The following CYP2C18 variants were observed in gnomAD, a reference collection of about 807,000 sequenced individuals.
The protein encoded by CYP2C18 is cytochrome P450 family 2 subfamily C member 18.
A neutral mutation model predicts 41.3 loss-of-function variants in CYP2C18; 38 were observed. The ratio of observed to expected loss-of-function variants is 0.92; its 90% CI spans 0.71 to 1.21. CYP2C18 has a LOEUF of 1.21. Ranked by LOEUF, CYP2C18 falls within the 50% of genes most tolerant of loss-of-function variation. CYP2C18 has a pLI of 0.00. For missense variants in CYP2C18, 635 were observed against 591.4 expected (o/e 1.07, Z -0.77); for synonymous variants, 236 against 210.0 (o/e 1.12, Z -1.07).
chr10:94,723,166 CA>C (rs1410771212), intron 6 of CYP2C18, among the ~76,000 whole-genome samples: 1 of 152,052 alleles, frequency 6.6e-6, no homozygotes, highest in East Asian at 1.9e-4. Flanking sequence ...CTGCATTTGG[CA>C]AAAAATTTTT....
At chr10:94,696,933 A>G (rs59537614) in intron 4 of CYP2C18, among the ~76,000 whole-genome samples, 2 of 152,304 alleles carry the variant, frequency 1.3e-5, no homozygotes, top group African/African-American at 4.8e-5. Context: ...TTAGCAAAAA[A>G]AGAATAAGAA....
intron 7 of CYP2C18, among the ~76,000 whole-genome samples, chr10:94,724,932 A>G (rs1207189574): frequency 6.6e-6 from 1 of 151,832 alleles, no homozygotes; most frequent in Non-Finnish European, 1.5e-5. Context: ...CAATTCATGG[A>G]TATGATTATG....
chr10:94,697,061 ATAT>A lies in CYP2C18; in HGVS notation c.642+1988_642+1990del, dbSNP rs1847131526. Among the ~76,000 whole-genome samples the A allele has an allele frequency of 2.0e-5, 3 of 152,248 alleles. 1 individual carries two copies. In the South Asian group the frequency reaches 6.2e-4, roughly 31 times the overall value. On this transcript the variant is annotated intron_variant, in intron 4 of 8. Coordinates refer to ENST00000285979, the MANE Select transcript of CYP2C18 (RefSeq NM_000772.3). ...ACCAAGTTGGAAAACACTCTGCACG[ATAT>A]TATCCAGGAGAACTTCCCCAATCTA...
chr10:94,703,859 G>T (rs1365669965), intron 4 of CYP2C18, among the ~76,000 whole-genome samples: 1 of 152,222 alleles, frequency 6.6e-6, no homozygotes, highest in Non-Finnish European at 1.5e-5. Context: ...CAGGGCCCTT[G>T]TGGTGTAGGC....
intron 4 of CYP2C18, among the ~76,000 whole-genome samples, chr10:94,700,978 G>A (rs1169917060): frequency 2.0e-5 from 3 of 152,200 alleles, no homozygotes; most frequent in South Asian, 4.1e-4. Context: ...AACAGGTGCT[G>A]GAGAGGATAT....
intron 3 of CYP2C18, 51 bp from the exon 4 acceptor site, chr10:94,694,866 T>C (rs750880779): frequency 3.5e-5 from 55 of 1,565,670 alleles, no homozygotes; most frequent in Non-Finnish European, 4.8e-5. Flanking sequence ...AAAGACAAAG[T>C]ATTTTATATG....
chr10:94,714,725 G>A (rs1316007387), intron 5 of CYP2C18, among the ~76,000 whole-genome samples: 1 of 152,156 alleles, frequency 6.6e-6, no homozygotes, highest in African/African-American at 2.4e-5. Context: ...AAAGTCATTG[G>A]TAGCTTGATG....
intron 5 of CYP2C18, among the ~76,000 whole-genome samples, chr10:94,716,695 A>T (rs557655337): frequency 2.6e-5 from 4 of 151,948 alleles, no homozygotes; most frequent in African/African-American, 9.7e-5. Context: ...TGTCTATTAG[A>T]TCTGCTTGGT....
At position 94,736,135 on chromosome 10, in the gene CYP2C18, T is replaced by C. The variant is rs1847915770; in HGVS notation, c.*691T>C. ...ACAAGATCAAGATTTGGATAATCTT[T>C]TTCCTTTGTGTTTCCAACTTAGATC... On this transcript the variant is annotated 3_prime_UTR_variant, in exon 9 of 9. Transcript: ENST00000285979. 1 of 152,192 alleles carries C rather than the reference T, an allele frequency of 6.6e-6. No individual in the cohort carries two copies. Among genetic ancestry groups the C allele is most frequent in the Admixed American group, 6.6e-5 (1 of 15,264 alleles). 9.4% of individuals were successfully genotyped at this position (152,192 alleles called of 1,614,324 possible). A position where few individuals can be genotyped will look rare whatever the true frequency, so the allele number is the denominator to read the frequency against.
At chr10:94,694,740 T>C (rs1847080513) in intron 3 of CYP2C18, among the ~76,000 whole-genome samples, 177 bp from the exon 4 acceptor site, 1 of 152,204 alleles carries the variant, frequency 6.6e-6, no homozygotes, top group Non-Finnish European at 1.5e-5. Flanking sequence ...GAATGATTAA[T>C]TCAGTTTTAA....
intron 7 of CYP2C18, among the ~76,000 whole-genome samples, chr10:94,725,339 C>A (rs1021918737): frequency 2.4e-4 from 37 of 151,984 alleles, no homozygotes; most frequent in African/African-American, 8.9e-4. Flanking sequence ...TTACATCAAG[C>A]AAATTTACTT....
chr10:94,723,919 CAT>C (rs1847688612), intron 6 of CYP2C18, among the ~76,000 whole-genome samples: 1 of 152,086 alleles, frequency 6.6e-6, no homozygotes, highest in African/African-American at 2.4e-5. Context: ...TTCAAATAAA[CAT>C]ATGCACACAA....
chr10:94,729,068 G>A (rs975691791), intron 7 of CYP2C18, among the ~76,000 whole-genome samples: 1 of 152,058 alleles, frequency 6.6e-6, no homozygotes, highest in African/African-American at 2.4e-5. Flanking sequence ...CTTGAATCTT[G>A]TGTAATAGTC....
chr10:94,693,443 C>G (rs1177911832), intron 3 of CYP2C18, among the ~76,000 whole-genome samples: 1 of 152,142 alleles, frequency 6.6e-6, no homozygotes, highest in Non-Finnish European at 1.5e-5. Flanking sequence ...AACCTCTTTT[C>G]TTATAAATTA....
chr10:94,706,767 T>A lies in CYP2C18; in HGVS notation c.643-17T>A. ...AATACATGTGTTTAATTTAATTAATTTTTAAAAATCTTTAAGGTCTGCAAT... is the reference window on the plus strand; with the variant it reads ...AATACATGTGTTTAATTTAATTAATATTTAAAAATCTTTAAGGTCTGCAAT... On this transcript the variant is annotated splice_polypyrimidine_tract_variant and intron_variant, in intron 4 of 8. Coordinates refer to ENST00000285979, the MANE Select transcript of CYP2C18 (RefSeq NM_000772.3). 6.9e-7 allele frequency: 1 copy of A among 1,451,852 alleles called. No individual in the cohort carries two copies. Among genetic ancestry groups the A allele is most frequent in the Non-Finnish European group, 9.4e-7 (1 of 1,062,348 alleles). 89.9% of individuals were successfully genotyped at this position (1,451,852 alleles called of 1,614,324 possible). A position where few individuals can be genotyped will look rare whatever the true frequency, so the allele number is the denominator to read the frequency against.
intron 7 of CYP2C18, chr10:94,728,490 G>A (rs1347356825): frequency 1.1e-5 from 2 of 181,408 alleles, no homozygotes; most frequent in Non-Finnish European, 2.1e-5. Flanking sequence ...CGAATCTATG[G>A]TCCTACCTGA....
chr10:94,720,237 A>G (rs1255044394), intron 5 of CYP2C18, among the ~76,000 whole-genome samples, 159 bp from the exon 6 acceptor site: 1 of 152,178 alleles, frequency 6.6e-6, no homozygotes, highest in African/African-American at 2.4e-5. Context: ...ACTATTTTAC[A>G]TTCTCTGCCA....
At chr10:94,713,634 T>C (rs1173162579) in intron 5 of CYP2C18, among the ~76,000 whole-genome samples, 1 of 152,228 alleles carries the variant, frequency 6.6e-6, no homozygotes. Context: ...AATGCCACAA[T>C]AAACATACGT....
chr10:94,728,535 C>T, intron 7 of CYP2C18: 1 of 456,174 alleles, frequency 2.2e-6, no homozygotes, highest in Non-Finnish European at 2.9e-6. Context: ...CTAAATTTAT[C>T]CTTCCTTCTG....
Sources: allele counts gnomAD v4.1 joint callset (sites outside exome capture counted in the v4.1 genomes callset), GRCh38; gene constraint gnomAD v4.1.1; transcripts MANE v1.5; gene names NCBI Gene and HGNC (gene_info 2026-07-23, HGNC 2026-07-21).